KTN1: variants seen among roughly 807,000 people sequenced by gnomAD.
KTN1 encodes the protein kinectin 1, also known as kinectin.
In KTN1, 130 loss-of-function variants were observed where a neutral mutation model predicts 222.5. The ratio of observed to expected loss-of-function variants is 0.58; its 90% confidence interval spans 0.51 to 0.68. KTN1 has a LOEUF of 0.68. Among genes scored for constraint, KTN1 ranks in the 30% least tolerant of loss-of-function variants. The pLI is 0.00. For synonymous variants in KTN1, 512 were observed against 496.3 expected (o/e 1.03, Z -0.42); for missense variants, 1,508 against 1,500.4 (o/e 1.01, Z -0.08).
At chr14:55,584,048 C>G (rs2032374350) in intron 1 of KTN1, among the ~76,000 whole-genome samples, 1 of 152,210 alleles carries the variant, frequency 6.6e-6, no homozygotes, top group South Asian at 2.1e-4. Context: ...ACTGATCTCC[C>G]TGCCTCTGCC....
rs143993065 is a variant in KTN1 at position 55,623,320 on chromosome 14, T to A, written c.963+4008T>A. On this transcript the variant is annotated intron_variant, in intron 5 of 43. Transcript: ENST00000395314. ...AAAGGTAATCAGTAAATATGATAAATGTGACTTTAAATACAAAGACAGATG... is the reference window on the plus strand; with the variant it reads ...AAAGGTAATCAGTAAATATGATAAAAGTGACTTTAAATACAAAGACAGATG... Among the ~76,000 whole-genome samples the A allele has an allele frequency of 9.8e-5, 15 of 152,362 alleles. No individual in the cohort carries two copies. In the East Asian group the frequency reaches 2.9e-3, roughly 29 times the overall value.
chr14:55,661,261 A>G (rs759014132), intron 31 of KTN1: 1 of 280,010 alleles, frequency 3.6e-6, no homozygotes, highest in Admixed American at 5.1e-5. Context: ...TCTTCATAAT[A>G]TGTTTCTTAG....
chr14:55,598,865 G>A (rs866183255), intron 1 of KTN1, among the ~76,000 whole-genome samples: 1 of 152,146 alleles, frequency 6.6e-6, no homozygotes. Context: ...TCCTGAATTG[G>A]AAGATCCATA....
chr14:55,675,730 A>C (rs1297214305), intron 40 of KTN1, 105 bp from the exon 41 acceptor site: 1 of 720,680 alleles, frequency 1.4e-6, no homozygotes, highest in Non-Finnish European at 2.4e-6. Context: ...TCCACTGTAC[A>C]TAATAACTGT....
chr14:55,657,839 G>A (rs576804380), intron 29 of KTN1, among the ~76,000 whole-genome samples: 1 of 152,084 alleles, frequency 6.6e-6, no homozygotes, highest in African/African-American at 2.4e-5. Flanking sequence ...ACTTGAACCC[G>A]GGAGGCAGAG....
rs759802801 is a variant in KTN1 at position 55,640,984 on chromosome 14, T to A, written c.2021+14T>A. On this transcript the variant is annotated intron_variant, in intron 16 of 43. Transcript: ENST00000395314. ...GATGCAACAAAGGTGACTAAAGTAT[T>A]GTACATCTAGTCGTTCATACATTTA... 3 of 1,597,434 alleles carry A rather than the reference T, an allele frequency of 1.9e-6. No homozygotes were observed. Among genetic ancestry groups the A allele is most frequent in the Admixed American group, 3.3e-5 (2 of 59,836 alleles).
chr14:55,679,981 C>T (rs988443561), intron 43 of KTN1: 8 of 311,018 alleles, frequency 2.6e-5, no homozygotes, highest in Non-Finnish European at 4.7e-5. Flanking sequence ...GCAACGGCTT[C>T]GTTAATTTAT....
chr14:55,678,329 C>T, intron 41 of KTN1, 23 bp from the exon 42 acceptor site: 1 of 1,344,278 alleles, frequency 7.4e-7, no homozygotes, highest in Non-Finnish European at 1.1e-6. Context: ...TACTTAGTAG[C>T]TACCATATTG....
Position 55,667,242 on chromosome 14 carries a change from A to T in KTN1, c.3179A>T (p.Glu1060Val). The T allele has an allele frequency of 6.3e-7, 1 of 1,587,210 alleles. No homozygotes were observed. Among genetic ancestry groups the T allele is most frequent in the South Asian group, 1.1e-5 (1 of 87,194 alleles). ...LQDKVNKTSK[E>V]RQQQVEAVEL... ...GATTTGGCTCATCTTCTGCTTTAGG[A>T]AAGGCAGCAACAGGTGGAAGCTGTT... Residue 1060 changes from glutamate to valine, a missense_variant and splice_region_variant, in exon 34 of 44, where the codon GAA (glutamate) becomes GTA (valine). Coordinates refer to ENST00000395314, the MANE Select transcript of KTN1 (RefSeq NM_001079521.2).
At position 55,678,660 on chromosome 14, in the gene KTN1, A is replaced by T. The variant is rs577514330; in HGVS notation, c.3948+216A>T. On this transcript the variant is annotated intron_variant, in intron 42 of 43. Coordinates refer to ENST00000395314, the MANE Select transcript of KTN1 (RefSeq NM_001079521.2). The stretch of plus-strand genomic sequence containing the variant: ...GAGAGGTATGGAGCGGGGGTCCCCA[A>T]TTCCTGGACTGTGGACAGGTACCAG... 15 of 472,162 alleles carry T rather than the reference A, an allele frequency of 3.2e-5. No individual in the cohort carries two copies. In the South Asian group the frequency reaches 3.5e-4, roughly 11 times the overall value. 29.2% of individuals were successfully genotyped at this position (472,162 alleles called of 1,614,324 possible).
chr14:55,670,905 C>A, intron 35 of KTN1, 96 bp downstream of exon 35: 1 of 734,818 alleles, frequency 1.4e-6, no homozygotes, highest in Non-Finnish European at 2.2e-6. Flanking sequence ...AAAAGATAAT[C>A]GAATAAGGCT....
intron 40 of KTN1, 38 bp from the exon 41 acceptor site, chr14:55,675,797 C>G (rs1009240480): frequency 2.2e-6 from 3 of 1,336,644 alleles, no homozygotes; most frequent in Non-Finnish European, 3.2e-6. Context: ...AAGAATGATG[C>G]AAATTAAGTT....
At chr14:55,671,748 C>A (rs369480853) in intron 36 of KTN1, 37 bp from the exon 37 acceptor site, 17 of 1,550,866 alleles carry the variant, frequency 1.1e-5, no homozygotes, top group Non-Finnish European at 1.5e-5. Flanking sequence ...GGCATTAGAA[C>A]ATGAATTTTT....
At chr14:55,633,904 C>T (rs1259693089) in intron 8 of KTN1, among the ~76,000 whole-genome samples, 3 of 152,122 alleles carry the variant, frequency 2.0e-5, no homozygotes, top group South Asian at 2.1e-4. Context: ...TTTGGGAGGC[C>T]GAGGCAGGCG....
intron 5 of KTN1, among the ~76,000 whole-genome samples, chr14:55,625,923 G>A (rs76411170): frequency 4.0e-5 from 6 of 151,890 alleles, no homozygotes; most frequent in African/African-American, 1.5e-4. Flanking sequence ...AATCAATCAC[G>A]TGTTTATTAT....
chr14:55,658,160 G>A (rs150318255), intron 29 of KTN1, among the ~76,000 whole-genome samples: 99 of 152,180 alleles, frequency 6.5e-4, no homozygotes, highest in African/African-American at 2.2e-3. Context: ...GCGGGCTGGG[G>A]CATCTAGTGG....
At chr14:55,652,752 G>A in intron 25 of KTN1, 98 bp from the exon 26 acceptor site, 1 of 741,700 alleles carries the variant, frequency 1.3e-6, no homozygotes, top group Non-Finnish European at 2.2e-6. Flanking sequence ...GCTGGTCTGT[G>A]AGTACTACCC....
chr14:55,586,882 G>A (rs1044363768), intron 1 of KTN1, among the ~76,000 whole-genome samples: 8 of 152,014 alleles, frequency 5.3e-5, no homozygotes, highest in Admixed American at 2.6e-4. Flanking sequence ...TCCTGCATAT[G>A]TTCATTATAA....
In KTN1 at chr14:55,678,401, G is replaced by T; in HGVS notation, c.3905G>T (p.Gly1302Val). Residue 1302 changes from glycine to valine, a missense_variant, in exon 42 of 44, where the codon GGA becomes GTA. Gly to Val is a moderately radical substitution (Grantham distance 109). Coordinates refer to ENST00000395314, the MANE Select transcript of KTN1 (RefSeq NM_001079521.2). ...LIQSKIVKAA[G>V]DTTVIENSDV... Reference sequence around the variant, plus strand: ...CAGTCAAAAATAGTAAAAGCTGCTGGAGACACTACTGTTATTGAAAATAGT... The same window carrying T: ...CAGTCAAAAATAGTAAAAGCTGCTGTAGACACTACTGTTATTGAAAATAGT... 6.2e-7 allele frequency: 1 copy of T among 1,612,746 alleles called. No homozygotes were observed. The highest frequency in any genetic ancestry group is 8.5e-7 in the Non-Finnish European group (1 of 1,178,806).
Sources: gnomAD v4.1 joint callset for allele counts (sites outside exome capture counted in the v4.1 genomes callset) on GRCh38, gnomAD v4.1.1 for gene constraint, MANE v1.5 for transcripts, NCBI Gene and HGNC (gene_info 2026-07-23, HGNC 2026-07-21) for gene names.